Variants in OR2G6 observed in about 807,000 individuals in gnomAD.
OR2G6 encodes the protein olfactory receptor 2G6.
For synonymous variants in OR2G6, 183 were observed against 155.2 expected, an observed-to-expected ratio of 1.18 and a Z score of -1.33; for missense variants, 457 against 391.3, an observed-to-expected ratio of 1.17 and a Z score of -1.42.
At chr1:248,521,209 C>T (rs908181880) in intron 1 of OR2G6, among the ~76,000 whole-genome samples, 20 of 151,804 alleles carry the variant, frequency 1.3e-4, no homozygotes, top group African/African-American at 4.6e-4. Context: ...GGCGACAGAA[C>T]GACTCCATCT....
chr1:248,520,906 A>C (rs1267584200), intron 1 of OR2G6, among the ~76,000 whole-genome samples: 1 of 149,124 alleles, frequency 6.7e-6, no homozygotes, highest in Admixed American at 6.7e-5. Context: ...ATTAGCGGGC[A>C]TGGGGCCTGT....
chr1:248,522,288 C>T lies in OR2G6; in HGVS notation c.642C>T (p.Ile214=), dbSNP rs776271167. The T allele has an allele frequency of 1.2e-6, 2 of 1,614,176 alleles. No individual in the cohort carries two copies. The highest frequency in any genetic ancestry group is 1.7e-6 in the Non-Finnish European group (2 of 1,180,036). The change falls in exon 2 of 2, where the codon ATC becomes ATT. Residue 214 remains isoleucine, a synonymous_variant. Coordinates refer to ENST00000641804, the MANE Select transcript of OR2G6 (RefSeq NM_001013355.2). ...VVFLIVPVLL[I]LVSYGFITQA... ...TTCTAATTGTCCCGGTGTTACTCAT[C>T]TTAGTCTCCTATGGCTTTATCACTC... is the stretch of plus-strand genomic sequence containing the variant.
Position 248,526,545 on chromosome 1 carries a change from G to A in OR2G6, c.*3948G>A, listed in dbSNP as rs1179556386. The A allele has an allele frequency of 6.6e-6, 1 of 152,206 alleles. No individual in the cohort carries two copies. Among genetic ancestry groups the A allele is most frequent in the Non-Finnish European group, 1.5e-5 (1 of 68,026 alleles). 9.4% of individuals were successfully genotyped at this position (152,206 alleles called of 1,614,324 possible). A position where few individuals can be genotyped will look rare whatever the true frequency, so the allele number is the denominator to read the frequency against. ...ATACTCATGATTTTTACCTTCAGGA[G>A]TCTCAACAGCTTCTCACTGTGCAAA... On this transcript the variant is annotated 3_prime_UTR_variant, in exon 2 of 2. Coordinates refer to ENST00000641804, the MANE Select transcript of OR2G6 (RefSeq NM_001013355.2).
In OR2G6 at chr1:248,525,806, G is replaced by T. The variant is rs1038436522; in HGVS notation, c.*3209G>T. The T allele has an allele frequency of 1.3e-5, 2 of 152,098 alleles. No homozygotes were observed. The highest frequency in any genetic ancestry group is 6.6e-5 in the Admixed American group (1 of 15,244). 9.4% of individuals were successfully genotyped at this position (152,098 alleles called of 1,614,324 possible). On this transcript the variant is annotated 3_prime_UTR_variant, in exon 2 of 2. Coordinates refer to ENST00000641804, the MANE Select transcript of OR2G6 (RefSeq NM_001013355.2). ...TGAGTCAGGTGGATCATGAGGTCAG[G>T]AGTTCAAGCTCAGCCTGGCCAGCAT...
Position 248,522,372 on chromosome 1 carries a change from G to A in OR2G6, c.726G>A (p.Ser242=), listed in dbSNP as rs552819557. The change falls in exon 2 of 2, where the codon TCG becomes TCA. Residue 242 remains serine (S), a synonymous_variant. Coordinates refer to ENST00000641804, the MANE Select transcript of OR2G6 (RefSeq NM_001013355.2). The part of the protein sequence containing the change: ...AGRQKAFGTC[S]SHLVVVIIFY... The stretch of plus-strand genomic sequence containing the variant: ...GCCAAAAGGCCTTTGGGACCTGTTC[G>A]TCTCACCTGGTTGTGGTCATCATTT... The A allele has an allele frequency of 2.9e-5, 47 of 1,614,018 alleles. No homozygotes were observed. The highest frequency in any genetic ancestry group is 3.3e-5 in the Admixed American group (2 of 60,000).
chr1:248,524,380 G>T lies in OR2G6; in HGVS notation c.*1783G>T, dbSNP rs978420228. 1.3e-5 allele frequency: 2 copies of T among 152,212 alleles called. No individual in the cohort carries two copies. The highest frequency in any genetic ancestry group is 2.9e-5 in the Non-Finnish European group (2 of 68,030). 9.4% of individuals were successfully genotyped at this position (152,212 alleles called of 1,614,324 possible). ...ATTCTTATGTGATTTTCCTCCTCCA[G>T]TAATGGAGAGGAGAGTTGGGAACTG... is the stretch of plus-strand genomic sequence containing the variant. On this transcript the variant is annotated 3_prime_UTR_variant, in exon 2 of 2. Coordinates refer to ENST00000641804, the MANE Select transcript of OR2G6 (RefSeq NM_001013355.2).
chr1:248,520,314 A>T (rs564045465), intron 1 of OR2G6, among the ~76,000 whole-genome samples: 80 of 152,230 alleles, frequency 5.3e-4, no homozygotes, highest in Non-Finnish European at 8.4e-4. Flanking sequence ...CATTAGGAGA[A>T]ATACCTAACA....
At position 248,522,231 on chromosome 1, in the gene OR2G6, C is replaced by T. The variant is rs77917888; in HGVS notation, c.585C>T (p.Asn195=). The change falls in exon 2 of 2, where the codon AAC becomes AAT. Residue 195 remains asparagine (N), a synonymous_variant. Coordinates refer to ENST00000641804, the MANE Select transcript of OR2G6 (RefSeq NM_001013355.2). ...IKLACVDTTF[N]EAELFVASVV... is the part of the protein sequence containing the mutation. ...TGGCCTGTGTGGATACGACTTTCAACGAGGCAGAACTCTTTGTGGCCAGTG... is the reference window on the plus strand; with the variant it reads ...TGGCCTGTGTGGATACGACTTTCAATGAGGCAGAACTCTTTGTGGCCAGTG... The T allele has an allele frequency of 1.3e-4, 204 of 1,614,104 alleles. 1 individual carries two copies. The African/African-American group carries it at 2.3e-3, about 18-fold the overall frequency.
At position 248,525,120 on chromosome 1, in the gene OR2G6, A is replaced by G. The variant is rs1340227284; in HGVS notation, c.*2523A>G. ...TAAAAAATATCCACCATTTATTAAA[A>G]ATCTTCCCTATAATTGAATAACATG... On this transcript the variant is annotated 3_prime_UTR_variant, in exon 2 of 2. Transcript: ENST00000641804. 2 of 152,156 alleles carry G rather than the reference A, an allele frequency of 1.3e-5. No homozygotes were observed. The highest frequency in any genetic ancestry group is 4.8e-5 in the African/African-American group (2 of 41,450). The allele number at this position is 152,156 out of a possible 1,614,324, so 9.4% of individuals were successfully genotyped here. A position where few individuals can be genotyped will look rare whatever the true frequency, so the allele number is the denominator to read the frequency against.
In OR2G6 at chr1:248,523,396, T is replaced by C. The variant is rs1664332211; in HGVS notation, c.*799T>C. The C allele has an allele frequency of 6.6e-6, 1 of 152,170 alleles. No homozygotes were observed. The highest frequency in any genetic ancestry group is 1.5e-5 in the Non-Finnish European group (1 of 68,030). The allele number at this position is 152,170 out of a possible 1,614,324, so 9.4% of individuals were successfully genotyped here. On this transcript the variant is annotated 3_prime_UTR_variant, in exon 2 of 2. Coordinates refer to ENST00000641804, the MANE Select transcript of OR2G6 (RefSeq NM_001013355.2). Reference sequence around the variant, plus strand: ...AGCAAACTTGAATTAAGGAGATTGATTAAAAGTTGAGTAAAATTGCCATAT... The same window carrying C: ...AGCAAACTTGAATTAAGGAGATTGACTAAAAGTTGAGTAAAATTGCCATAT...
rs1458043276 is a variant in OR2G6 at position 248,526,548 on chromosome 1, T to C, written c.*3951T>C. ...CTCATGATTTTTACCTTCAGGAGTCTCAACAGCTTCTCACTGTGCAAAGTA... is the reference window on the plus strand; with the variant it reads ...CTCATGATTTTTACCTTCAGGAGTCCCAACAGCTTCTCACTGTGCAAAGTA... On this transcript the variant is annotated 3_prime_UTR_variant, in exon 2 of 2. Coordinates refer to ENST00000641804, the MANE Select transcript of OR2G6 (RefSeq NM_001013355.2). The C allele has an allele frequency of 6.6e-6, 1 of 152,330 alleles. No homozygotes were observed. The highest frequency in any genetic ancestry group is 1.9e-4 in the East Asian group (1 of 5,188). 9.4% of individuals were successfully genotyped at this position (152,330 alleles called of 1,614,324 possible).
chr1:248,524,078 A>G lies in OR2G6; in HGVS notation c.*1481A>G, dbSNP rs925732747. 6.6e-6 allele frequency: 1 copy of G among 152,122 alleles called. No homozygotes were observed. Among genetic ancestry groups the G allele is most frequent in the Non-Finnish European group, 1.5e-5 (1 of 68,046 alleles). The allele number at this position is 152,122 out of a possible 1,614,324, so 9.4% of individuals were successfully genotyped here. A position where few individuals can be genotyped will look rare whatever the true frequency, so the allele number is the denominator to read the frequency against. The stretch of plus-strand genomic sequence containing the variant: ...GCCTTCCAACATTCAGATTTATAAT[A>G]ATTCATCCTGGTGTGAGAATATTGT... On this transcript the variant is annotated 3_prime_UTR_variant, in exon 2 of 2. Coordinates refer to ENST00000641804, the MANE Select transcript of OR2G6 (RefSeq NM_001013355.2).
Position 248,525,071 on chromosome 1 carries a change from A to C in OR2G6, c.*2474A>C, listed in dbSNP as rs1391496800. On this transcript the variant is annotated 3_prime_UTR_variant, in exon 2 of 2. Transcript: ENST00000641804. The stretch of plus-strand genomic sequence containing the variant: ...TAATTTCATACTATTTTTATTTATA[A>C]TGTGAGCATTTTTCTGATTAATCTA... 6.6e-6 allele frequency: 1 copy of C among 152,106 alleles called. No homozygotes were observed. The highest frequency in any genetic ancestry group is 1.9e-4 in the East Asian group (1 of 5,202). 9.4% of individuals were successfully genotyped at this position (152,106 alleles called of 1,614,324 possible). A position where few individuals can be genotyped will look rare whatever the true frequency, so the allele number is the denominator to read the frequency against.
In OR2G6 at chr1:248,522,189, G is replaced by T. The variant is rs1434105376; in HGVS notation, c.543G>T (p.Val181=). 6.2e-7 allele frequency: 1 copy of T among 1,614,162 alleles called. No homozygotes were observed. Among genetic ancestry groups the T allele is most frequent in the Admixed American group, 1.7e-5 (1 of 60,018 alleles). The change falls in exon 2 of 2, where the codon GTG becomes GTT. Residue 181 remains valine, a synonymous_variant. Transcript: ENST00000641804. The stretch of plus-strand genomic sequence containing the variant: ...CACTGGATCATATTTTCTGTGAGGT[G>T]CCAGTGCTCATCAAACTGGCCTGTG... ...HRTLDHIFCE[V]PVLIKLACVD...
At position 248,522,786 on chromosome 1, in the gene OR2G6, C is replaced by A. The variant is rs1173072342; in HGVS notation, c.*189C>A. The A allele has an allele frequency of 1.8e-6, 1 of 560,792 alleles. No homozygotes were observed. The highest frequency in any genetic ancestry group is 2.5e-5 in the South Asian group (1 of 39,298). The allele number at this position is 560,792 out of a possible 1,614,324, so 34.7% of individuals were successfully genotyped here. Reference sequence around the variant, plus strand: ...GACATTCCTCTTGTCAATCCCAAAGCCACAGGGACTAGGAAGCATTGGAAT... The same window carrying A: ...GACATTCCTCTTGTCAATCCCAAAGACACAGGGACTAGGAAGCATTGGAAT... On this transcript the variant is annotated 3_prime_UTR_variant, in exon 2 of 2. Coordinates refer to ENST00000641804, the MANE Select transcript of OR2G6 (RefSeq NM_001013355.2).
rs748480086 is a variant in OR2G6, at chr1:248,522,025, T to C, written c.379T>C (p.Cys127Arg). The C allele has an allele frequency of 3.1e-6, 5 of 1,614,236 alleles. No individual in the cohort carries two copies. The highest frequency in any genetic ancestry group is 1.3e-5 in the African/African-American group (1 of 75,068). The change falls in exon 2 of 2, where the codon TGC (cysteine) becomes CGC (arginine). Residue 127 changes from cysteine to arginine, a missense_variant. Transcript: ENST00000641804. Reference sequence around the variant, plus strand: ...GGCTTATGACCGCTATGCTGCTGTCTGCCGGCCACTGCGCTACATAGCCAT... The same window carrying C: ...GGCTTATGACCGCTATGCTGCTGTCCGCCGGCCACTGCGCTACATAGCCAT... The part of the protein sequence containing the change: ...VMAYDRYAAV[C>R]RPLRYIAIMH...
At position 248,522,209 on chromosome 1, in the gene OR2G6, C is replaced by T. The variant is rs2103061723; in HGVS notation, c.563C>T (p.Ala188Val). 6.2e-7 allele frequency: 1 copy of T among 1,614,136 alleles called. No individual in the cohort carries two copies. The highest frequency in any genetic ancestry group is 8.5e-7 in the Non-Finnish European group (1 of 1,180,030). The change falls in exon 2 of 2, where the codon GCC (alanine) becomes GTC (valine). Residue 188 changes from alanine (A) to valine (V), a missense_variant. Ala to Val is a moderately conservative substitution (Grantham distance 64). Transcript: ENST00000641804. ...FCEVPVLIKLACVDTTFNEAE... is the reference protein window; with the variant it reads ...FCEVPVLIKLVCVDTTFNEAE... ...GAGGTGCCAGTGCTCATCAAACTGG[C>T]CTGTGTGGATACGACTTTCAACGAG...
At position 248,526,658 on chromosome 1, in the gene OR2G6, G is replaced by T. The variant is rs1659125043; in HGVS notation, c.*4061G>T. 1 of 152,098 alleles carries T rather than the reference G, an allele frequency of 6.6e-6. No homozygotes were observed. Among genetic ancestry groups the T allele is most frequent in the African/African-American group, 2.4e-5 (1 of 41,432 alleles). The allele number at this position is 152,098 out of a possible 1,614,324, so 9.4% of individuals were successfully genotyped here. A position where few individuals can be genotyped will look rare whatever the true frequency, so the allele number is the denominator to read the frequency against. On this transcript the variant is annotated 3_prime_UTR_variant, in exon 2 of 2. Transcript: ENST00000641804. ...CAGAGCTCTCTGTTCACCATAACCT[G>T]ATCTCAGTAGTAACTATTTAATGAT... is the stretch of plus-strand genomic sequence containing the variant.
In OR2G6 at chr1:248,525,813, A is replaced by T. The variant is rs1262222408; in HGVS notation, c.*3216A>T. ...GGTGGATCATGAGGTCAGGAGTTCAAGCTCAGCCTGGCCAGCATGGTGAAA... is the reference window on the plus strand; with the variant it reads ...GGTGGATCATGAGGTCAGGAGTTCATGCTCAGCCTGGCCAGCATGGTGAAA... On this transcript the variant is annotated 3_prime_UTR_variant, in exon 2 of 2. Transcript: ENST00000641804. 1 of 152,146 alleles carries T rather than the reference A, an allele frequency of 6.6e-6. No individual in the cohort carries two copies. The highest frequency in any genetic ancestry group is 1.5e-5 in the Non-Finnish European group (1 of 68,052). The allele number at this position is 152,146 out of a possible 1,614,324, so 9.4% of individuals were successfully genotyped here. A position where few individuals can be genotyped will look rare whatever the true frequency, so the allele number is the denominator to read the frequency against.
Sources: allele counts gnomAD v4.1 joint callset (sites outside exome capture counted in the v4.1 genomes callset), GRCh38; gene constraint gnomAD v4.1.1; transcripts MANE v1.5; gene names NCBI Gene and HGNC (gene_info 2026-07-23, HGNC 2026-07-21).